Variants in TRAPPC12 observed in about 807,000 individuals in gnomAD.
The protein encoded by TRAPPC12 is TPR repeat protein 15.
Under a neutral mutation model 69.2 loss-of-function variants are expected in TRAPPC12, and 61 were observed. The ratio of observed to expected loss-of-function variants is 0.88; its 90% CI spans 0.72 to 1.09. TRAPPC12 has a LOEUF of 1.09. Among genes scored for constraint, TRAPPC12 ranks in the 50% least tolerant of loss-of-function variants. The probability of loss-of-function intolerance (pLI) is 0.00; values close to 1 mark genes in which losing one functional copy is unlikely to be tolerated. For missense variants in TRAPPC12, 1,101 were observed against 1,016.4 expected, an observed-to-expected ratio of 1.08 and a Z score of -1.13; for synonymous variants, 469 against 438.9, an observed-to-expected ratio of 1.07 and a Z score of -0.86.
intron 6 of TRAPPC12, among the ~76,000 whole-genome samples, chr2:3,453,603 AC>A: frequency 6.6e-6 from 1 of 152,198 alleles, no homozygotes; most frequent in Non-Finnish European, 1.5e-5. Context: ...CTCTTCCCAA[AC>A]GAACCGGGTG....
intron 9 of TRAPPC12, among the ~76,000 whole-genome samples, chr2:3,473,843 G>A (rs1165509978): frequency 6.6e-6 from 1 of 152,222 alleles, no homozygotes; most frequent in African/African-American, 2.4e-5. Context: ...AATATGAAAA[G>A]AACTGGGTTT....
chr2:3,407,883 A>C (rs1661817019), intron 3 of TRAPPC12, among the ~76,000 whole-genome samples: 2 of 152,166 alleles, frequency 1.3e-5, no homozygotes, highest in Admixed American at 6.5e-5. Context: ...AATAGCAAAA[A>C]ACACACTAAG....
At chr2:3,471,331 C>T (rs1038373573) in intron 9 of TRAPPC12, among the ~76,000 whole-genome samples, 1 of 152,132 alleles carries the variant, frequency 6.6e-6, no homozygotes, top group South Asian at 2.1e-4. Flanking sequence ...GGGTTTAATG[C>T]CTGCATATAA....
chr2:3,426,455 C>T (rs2103064534), intron 5 of TRAPPC12, among the ~76,000 whole-genome samples: 1 of 152,346 alleles, frequency 6.6e-6, no homozygotes, highest in Middle Eastern at 3.4e-3. Flanking sequence ...TGCTGGCCTT[C>T]CACATGACCA....
At chr2:3,424,484 T>C in intron 4 of TRAPPC12, 41 bp from the exon 5 acceptor site, 1 of 1,597,058 alleles carries the variant, frequency 6.3e-7, no homozygotes, top group Non-Finnish European at 8.5e-7. Flanking sequence ...GAACTGGATA[T>C]ATGTAGATAA....
At chr2:3,462,912 C>A (rs747135079) in intron 8 of TRAPPC12, 2 of 471,148 alleles carry the variant, frequency 4.2e-6, no homozygotes, top group South Asian at 3.1e-5. Flanking sequence ...TGGAAAGGAG[C>A]ACGCAGCTGC....
At chr2:3,418,975 C>T (rs1372163606) in intron 3 of TRAPPC12, among the ~76,000 whole-genome samples, 1 of 152,234 alleles carries the variant, frequency 6.6e-6, no homozygotes, top group Non-Finnish European at 1.5e-5. Flanking sequence ...CCTCCTCCAC[C>T]GCCTCCCTCC....
Position 3,387,927 on chromosome 2 carries a change from C to G in TRAPPC12, c.304C>G (p.Pro102Ala). The G allele has an allele frequency of 6.6e-7, 1 of 1,513,488 alleles. No individual in the cohort carries two copies. Among genetic ancestry groups the G allele is most frequent in the Non-Finnish European group, 8.8e-7 (1 of 1,131,838 alleles). 93.8% of individuals were successfully genotyped at this position (1,513,488 alleles called of 1,614,324 possible). A position where few individuals can be genotyped will look rare whatever the true frequency, so the allele number is the denominator to read the frequency against. ...AEPGGEGDPG[P>A]EPAGTPSPSG... ...GCCCGGAGGGGAAGGCGACCCAGGC[C>G]CGGAGCCCGCGGGCACCCCGAGTCC... The change falls in exon 2 of 12, where the codon CCG (proline) becomes GCG (alanine). Residue 102 changes from proline to alanine, a missense_variant. Coordinates refer to ENST00000324266, the MANE Select transcript of TRAPPC12 (RefSeq NM_016030.6).
At chr2:3,393,888 A>G in intron 2 of TRAPPC12, among the ~76,000 whole-genome samples, 1 of 152,204 alleles carries the variant, frequency 6.6e-6, no homozygotes, top group East Asian at 1.9e-4. Context: ...TGTGTAACCT[A>G]AGGGAATTCA....
Position 3,388,094 on chromosome 2 carries a change from C to A in TRAPPC12, c.471C>A (p.Val157=), listed in dbSNP as rs1313356182. The stretch of plus-strand genomic sequence containing the variant: ...AGGAGCCTCCCGTTGCGGAGCCGGT[C>A]CCGGTGTGCACCATCTTCAGCCAGC... ...PEQEPPVAEP[V]PVCTIFSQRA... is the part of the protein sequence containing the mutation. The change falls in exon 2 of 12, where the codon GTC becomes GTA. Residue 157 remains valine, a synonymous_variant. Transcript: ENST00000324266. 5 of 1,550,728 alleles carry A rather than the reference C, an allele frequency of 3.2e-6. No homozygotes were observed. Among genetic ancestry groups the A allele is most frequent in the Non-Finnish European group, 4.3e-6 (5 of 1,153,606 alleles).
chr2:3,385,291 TA>T (rs775968022), intron 1 of TRAPPC12, among the ~76,000 whole-genome samples: 15 of 152,262 alleles, frequency 9.9e-5, no homozygotes, highest in Non-Finnish European at 1.9e-4. Flanking sequence ...CCTAAATTAT[TA>T]GGGCTTTTTA....
At chr2:3,468,745 G>A (rs1162523385) in intron 9 of TRAPPC12, among the ~76,000 whole-genome samples, 1 of 152,190 alleles carries the variant, frequency 6.6e-6, no homozygotes, top group Non-Finnish European at 1.5e-5. Context: ...AGGATGGGCT[G>A]TAGGAAGGGG....
At chr2:3,439,192 A>C (rs529540006) in intron 5 of TRAPPC12, among the ~76,000 whole-genome samples, 1 of 152,320 alleles carries the variant, frequency 6.6e-6, no homozygotes, top group African/African-American at 2.4e-5. Context: ...TTCCCTAATG[A>C]CATATGATGA....
chr2:3,479,487 G>T lies in TRAPPC12; in HGVS notation c.*26G>T. Reference sequence around the variant, plus strand: ...CTGCCTCCAACACACTACGTCAGAAGGACCCGGGTCTTTGAAACTGTGTCT... The same window carrying T: ...CTGCCTCCAACACACTACGTCAGAATGACCCGGGTCTTTGAAACTGTGTCT... On this transcript the variant is annotated 3_prime_UTR_variant, in exon 12 of 12. Transcript: ENST00000324266. The T allele has an allele frequency of 6.2e-7, 1 of 1,610,282 alleles. No individual in the cohort carries two copies. The highest frequency in any genetic ancestry group is 8.5e-7 in the Non-Finnish European group (1 of 1,178,022).
chr2:3,460,512 T>C, intron 8 of TRAPPC12, 176 bp downstream of exon 8: 1 of 501,356 alleles, frequency 2.0e-6, no homozygotes, highest in Non-Finnish European at 3.5e-6. Flanking sequence ...ATGTACTTTA[T>C]TTCTACTGCA....
intron 8 of TRAPPC12, among the ~76,000 whole-genome samples, chr2:3,463,687 C>G (rs117121442): frequency 6.6e-6 from 1 of 151,842 alleles, no homozygotes; most frequent in Admixed American, 6.6e-5. Context: ...ACCACGCCCC[C>G]ACCCTGCGCT....
chr2:3,425,795 T>G (rs1663069552), intron 5 of TRAPPC12, among the ~76,000 whole-genome samples: 1 of 152,214 alleles, frequency 6.6e-6, no homozygotes, highest in Non-Finnish European at 1.5e-5. Flanking sequence ...AAGGCCTGAT[T>G]AATAATAAAA....
intron 1 of TRAPPC12, among the ~76,000 whole-genome samples, chr2:3,382,567 G>GT (rs1024837074): frequency 6.6e-6 from 1 of 152,212 alleles, no homozygotes; most frequent in African/African-American, 2.4e-5. Flanking sequence ...CTAGGTCCTA[G>GT]GTACTACGAC....
chr2:3,444,949 A>G (rs779535167), intron 6 of TRAPPC12, among the ~76,000 whole-genome samples: 5 of 152,250 alleles, frequency 3.3e-5, no homozygotes, highest in Admixed American at 6.5e-5. Context: ...TTACATTTCA[A>G]CACTTTTCTT....
Sources: gnomAD v4.1 joint callset for allele counts (sites outside exome capture counted in the v4.1 genomes callset) on GRCh38, gnomAD v4.1.1 for gene constraint, MANE v1.5 for transcripts, NCBI Gene and HGNC (gene_info 2026-07-23, HGNC 2026-07-21) for gene names.